The following OLFM3 variants were observed in gnomAD, a reference collection of about 807,000 sequenced individuals.
OLFM3 encodes noelin-3.
Under a neutral mutation model 48.6 loss-of-function variants are expected in OLFM3, and 20 were observed. The observed-to-expected ratio is 0.41, with a 90% CI of 0.29 to 0.60. The LOEUF (loss-of-function observed/expected upper bound fraction) is 0.60. Ranked by LOEUF, OLFM3 falls within the 20% of genes least tolerant of loss-of-function variation. The pLI, the probability that OLFM3 is intolerant of heterozygous loss-of-function variation, is 0.28. For missense variants in OLFM3, 437 were observed against 544.3 expected, an observed-to-expected ratio of 0.80 and a Z score of 1.96; for synonymous variants, 222 against 198.1, an observed-to-expected ratio of 1.12 and a Z score of -1.01.
intron 1 of OLFM3, among the ~76,000 whole-genome samples, chr1:101,863,065 A>G (rs1198013593): frequency 6.6e-6 from 1 of 151,462 alleles, no homozygotes; most frequent in East Asian, 1.9e-4. Flanking sequence ...TGTTGAAGCA[A>G]TTCTCATGTA....
intron 1 of OLFM3, among the ~76,000 whole-genome samples, chr1:101,985,148 T>G (rs986350158): frequency 2.0e-5 from 3 of 152,220 alleles, no homozygotes; most frequent in Non-Finnish European, 4.4e-5. Context: ...TCTCTGCTTT[T>G]GTCATCCTTG....
intron 1 of OLFM3, among the ~76,000 whole-genome samples, chr1:101,923,039 G>A (rs1327963966): frequency 2.6e-5 from 4 of 152,182 alleles, no homozygotes; most frequent in Admixed American, 2.6e-4. Flanking sequence ...TAGCATCTGA[G>A]TGTTATCCAG....
intron 3 of OLFM3, among the ~76,000 whole-genome samples, chr1:101,827,316 A>G (rs1654908028): frequency 6.6e-6 from 1 of 151,328 alleles, no homozygotes; most frequent in African/African-American, 2.4e-5. Flanking sequence ...TAACAGAGGA[A>G]GAATTTTTTT....
chr1:101,813,721 C>T (rs1000327335), intron 4 of OLFM3, among the ~76,000 whole-genome samples: 1 of 152,118 alleles, frequency 6.6e-6, no homozygotes, highest in Non-Finnish European at 1.5e-5. Flanking sequence ...TCTCTCTGAC[C>T]AGTGACTCAA....
chr1:101,971,202 G>A (rs1390276898), intron 1 of OLFM3, among the ~76,000 whole-genome samples: 1 of 152,178 alleles, frequency 6.6e-6, no homozygotes, highest in Non-Finnish European at 1.5e-5. Context: ...GGTGAGAGAT[G>A]AGGATCTAAG....
At chr1:101,915,442 G>A (rs1055879937) in intron 1 of OLFM3, among the ~76,000 whole-genome samples, 2 of 151,332 alleles carry the variant, frequency 1.3e-5, no homozygotes, top group Non-Finnish European at 2.9e-5. Context: ...ATGAAGTATC[G>A]TGCTATTGAA....
intron 1 of OLFM3, among the ~76,000 whole-genome samples, chr1:101,951,325 G>C (rs967124180): frequency 6.6e-6 from 1 of 152,118 alleles, no homozygotes; most frequent in South Asian, 2.1e-4. Context: ...GGTATACAAA[G>C]GAAAATCAAA....
At position 101,815,592 on chromosome 1, in the gene OLFM3, G is replaced by T. The variant is rs186900008; in HGVS notation, c.593-9410C>A. The stretch of plus-strand genomic sequence containing the variant: ...GGACTAGGCTTTGGATTAGATGTGA[G>T]GAAAGGGAATTTAAAAACTCAAAAA... On this transcript the variant is annotated intron_variant, in intron 4 of 5. Transcript: ENST00000370103. 2.9e-5 allele frequency among the ~76,000 whole-genome samples: 4 copies of T among 138,630 alleles called. No homozygotes were observed. In the East Asian group the frequency reaches 6.4e-4, roughly 22 times the overall value. 90.9% of individuals were successfully genotyped at this position (138,630 alleles called of 152,430 possible). A position where few individuals can be genotyped will look rare whatever the true frequency, so the allele number is the denominator to read the frequency against.
chr1:101,809,842 G>A (rs1322134797), intron 4 of OLFM3, among the ~76,000 whole-genome samples: 1 of 151,938 alleles, frequency 6.6e-6, no homozygotes, highest in Non-Finnish European at 1.5e-5. Flanking sequence ...AAAGAGGAAG[G>A]AAATGTGTCT....
At chr1:101,930,077 G>T (rs558014185) in intron 1 of OLFM3, among the ~76,000 whole-genome samples, 2 of 152,154 alleles carry the variant, frequency 1.3e-5, no homozygotes, top group Non-Finnish European at 2.9e-5. Flanking sequence ...TAAACTTACT[G>T]CTGGAAACCG....
chr1:101,874,090 C>A (rs1006214540), intron 1 of OLFM3, among the ~76,000 whole-genome samples: 30 of 151,958 alleles, frequency 2.0e-4, no homozygotes, highest in African/African-American at 7.2e-4. Context: ...GCTTTGTAGT[C>A]CCCTAATTCT....
At chr1:101,955,547 TAA>T (rs145372600) in intron 1 of OLFM3, among the ~76,000 whole-genome samples, 10,946 of 151,956 alleles carry the variant, frequency 0.072, 462 homozygotes, top group South Asian at 0.16. Flanking sequence ...TTCTACTTCT[TAA>T]AGTTTTCTTC....
At chr1:101,858,970 T>C (rs1656538788) in intron 1 of OLFM3, among the ~76,000 whole-genome samples, 1 of 152,078 alleles carries the variant, frequency 6.6e-6, no homozygotes, top group Non-Finnish European at 1.5e-5. Flanking sequence ...TGGATTTCCA[T>C]GGCTTCAATA....
intron 5 of OLFM3, among the ~76,000 whole-genome samples, chr1:101,805,577 C>A (rs181310890): frequency 6.6e-6 from 1 of 151,848 alleles, no homozygotes; most frequent in East Asian, 1.9e-4. Context: ...TATGAAAATA[C>A]CTCCCAGAAG....
chr1:101,827,850 C>T (rs1164281556), intron 3 of OLFM3, among the ~76,000 whole-genome samples: 1 of 151,982 alleles, frequency 6.6e-6, no homozygotes, highest in Non-Finnish European at 1.5e-5. Context: ...GCTCTGTGTC[C>T]CCACCTAAAT....
At position 101,904,501 on chromosome 1, in the gene OLFM3, C is replaced by T. The variant is rs147472066; in HGVS notation, c.70-67476G>A. ...GTGGATGAGAATGAGTTTGTCAATA[C>T]CTAACTTTTAAGTAACTTGGAGTAT... On this transcript the variant is annotated intron_variant, in intron 1 of 5. Transcript: ENST00000370103. 8.3e-3 allele frequency among the ~76,000 whole-genome samples: 1,265 copies of T among 152,096 alleles called. 7 individuals are homozygous for T. Among genetic ancestry groups the T allele is most frequent in the Non-Finnish European group, 0.013 (870 of 67,940 alleles).
At chr1:101,854,649 C>T (rs1443097293) in intron 1 of OLFM3, among the ~76,000 whole-genome samples, 1 of 152,000 alleles carries the variant, frequency 6.6e-6, no homozygotes, top group African/African-American at 2.4e-5. Context: ...CACTACCTTG[C>T]TTTGGGTCTT....
chr1:101,895,109 T>A (rs987404441), intron 1 of OLFM3, among the ~76,000 whole-genome samples: 2 of 152,140 alleles, frequency 1.3e-5, no homozygotes, highest in African/African-American at 4.8e-5. Flanking sequence ...AACATCTTTA[T>A]TTTTAAACCC....
At chr1:101,824,125 T>TGC (rs1272870356) in intron 4 of OLFM3, among the ~76,000 whole-genome samples, 1 of 152,070 alleles carries the variant, frequency 6.6e-6, no homozygotes, top group African/African-American at 2.4e-5. Flanking sequence ...TGTGTGTGTG[T>TGC]GCTTTACTTC....
Sources: gnomAD v4.1 joint callset for allele counts (sites outside exome capture counted in the v4.1 genomes callset) on GRCh38, gnomAD v4.1.1 for gene constraint, MANE v1.5 for transcripts, NCBI Gene and HGNC (gene_info 2026-07-23, HGNC 2026-07-21) for gene names.